TEX14: variants seen among roughly 807,000 people sequenced by gnomAD.
TEX14 encodes the protein inactive serine/threonine-protein kinase TEX14.
In TEX14, 168 loss-of-function variants were observed where a neutral mutation model predicts 178.6. The ratio of observed to expected loss-of-function variants is 0.94; its 90% CI spans 0.83 to 1.07. The LOEUF (loss-of-function observed/expected upper bound fraction) is 1.07, where lower values mean the gene tolerates loss of function less well. Ranked by LOEUF, TEX14 falls within the 50% of genes least tolerant of loss-of-function variation. The pLI is 0.00. For synonymous variants in TEX14, 626 were observed against 634.1 expected (o/e 0.99, Z 0.19); for missense variants, 1,730 against 1,753.6 (o/e 0.99, Z 0.24).
Position 58,585,882 on chromosome 17 carries a change from T to G in TEX14, c.2989A>C (p.Asn997His), listed in dbSNP as rs1598359267. Residue 997 changes from asparagine (N) to histidine (H), a missense_variant, in exon 18 of 32, where the codon AAT becomes CAT. Transcript: ENST00000349033. The stretch of plus-strand genomic sequence containing the variant: ...TTGCCCGTCTTGTCAAACTTGCCAT[T>G]TCCTCTGGGCTCATCATTTTCCCTA... The part of the protein sequence containing the change: ...YHRENDEPRG[N>H]GKFDKTGNND... 6.2e-7 allele frequency: 1 copy of G among 1,614,034 alleles called. No homozygotes were observed. Among genetic ancestry groups the G allele is most frequent in the Non-Finnish European group, 8.5e-7 (1 of 1,180,012 alleles).
chr17:58,659,255 G>GT, intron 1 of TEX14: 1 of 759,326 alleles, frequency 1.3e-6, no homozygotes, highest in Non-Finnish European at 1.6e-6. Context: ...CCTCCCCCAA[G>GT]AAAAACACTT....
At position 58,615,218 on chromosome 17, in the gene TEX14, G is replaced by C. The variant is rs774760845; in HGVS notation, c.881+14C>G. ...AGACCTGGACCTATAAGGGGCCTTG[G>C]GCTTCCTTCTCACCTGCTGTGTTCC... is the stretch of plus-strand genomic sequence containing the variant. On this transcript the variant is annotated intron_variant, in intron 8 of 31. Transcript: ENST00000349033. 1.3e-6 allele frequency: 2 copies of C among 1,557,052 alleles called. No individual in the cohort carries two copies. Among genetic ancestry groups the C allele is most frequent in the South Asian group, 2.2e-5 (2 of 89,748 alleles).
intron 1 of TEX14, among the ~76,000 whole-genome samples, chr17:58,652,607 T>C (rs1221081891): frequency 2.0e-5 from 3 of 152,170 alleles, no homozygotes; most frequent in Non-Finnish European, 4.4e-5. Flanking sequence ...ATGTCTTTAT[T>C]AGCAGCACAA....
intron 23 of TEX14, 78 bp from the exon 24 acceptor site, chr17:58,572,204 G>GT: frequency 3.9e-6 from 4 of 1,021,712 alleles, no homozygotes; most frequent in East Asian, 2.4e-5. Flanking sequence ...CTTTGTTTTT[G>GT]TTTTTTCTGC....
At chr17:58,594,375 T>C (rs2045230824) in intron 14 of TEX14, among the ~76,000 whole-genome samples, 1 of 150,418 alleles carries the variant, frequency 6.6e-6, no homozygotes, top group African/African-American at 2.4e-5. Flanking sequence ...TTTTTTGAGA[T>C]GGCCTCACTC....
chr17:58,660,682 T>C (rs541340251), intron 1 of TEX14: 39 of 782,686 alleles, frequency 5.0e-5, no homozygotes, highest in Middle Eastern at 2.3e-4. Flanking sequence ...CTTCCTCCTT[T>C]TCTTGATCTT....
chr17:58,557,700 G>C (rs1235336795), intron 31 of TEX14, 99 bp downstream of exon 31: 1 of 899,226 alleles, frequency 1.1e-6, no homozygotes, highest in Non-Finnish European at 1.7e-6. Context: ...TGGAGTCTTT[G>C]TCATTAATGT....
At chr17:58,574,643 C>T (rs1237689127) in intron 21 of TEX14, among the ~76,000 whole-genome samples, 2 of 126,906 alleles carry the variant, frequency 1.6e-5, no homozygotes, top group African/African-American at 3.1e-5. Context: ...CATTGCACTC[C>T]AGCCTGGGCA....
chr17:58,635,338 T>C (rs1037862674), intron 2 of TEX14, among the ~76,000 whole-genome samples: 2 of 151,900 alleles, frequency 1.3e-5, no homozygotes, highest in African/African-American at 4.8e-5. Context: ...ATTATAGTTA[T>C]TGACAAGAAG....
At chr17:58,576,053 A>G (rs895881806) in intron 21 of TEX14, among the ~76,000 whole-genome samples, 2 of 152,246 alleles carry the variant, frequency 1.3e-5, no homozygotes, top group African/African-American at 4.8e-5. Flanking sequence ...TACTAGCTAC[A>G]ATAATTATAA....
chr17:58,664,264 G>A (rs2047169056), intron 1 of TEX14, among the ~76,000 whole-genome samples: 1 of 152,118 alleles, frequency 6.6e-6, no homozygotes, highest in African/African-American at 2.4e-5. Context: ...ATCCATGAAT[G>A]CCAGGCTGAC....
chr17:58,650,273 G>A (rs143987533), intron 2 of TEX14, among the ~76,000 whole-genome samples: 2,212 of 151,658 alleles, frequency 0.015, 23 homozygotes, highest in Non-Finnish European at 0.024. Context: ...GGCAGGTCTC[G>A]AATCCTGACC....
Position 58,671,756 on chromosome 17 carries a change from A to G in TEX14, c.-1-19754T>C, listed in dbSNP as rs548627956. On this transcript the variant is annotated intron_variant, in intron 1 of 31. Transcript: ENST00000349033. ...TTTTAAAAACTCGTTTTCTTGTTCT[A>G]TTTTCTCACCATTTTACATGTTTTG... Among the ~76,000 whole-genome samples, 110 of 151,816 alleles carry G rather than the reference A, an allele frequency of 7.2e-4. 1 individual carries two copies. Among genetic ancestry groups the G allele is most frequent in the African/African-American group, 2.6e-3 (108 of 41,388 alleles).
At chr17:58,616,345 G>A (rs938746790) in intron 6 of TEX14, 40 bp from the exon 7 acceptor site, 3 of 1,598,294 alleles carry the variant, frequency 1.9e-6, no homozygotes, top group Admixed American at 3.5e-5. Context: ...GGGAGAAGGG[G>A]GGAAAAGCAG....
At chr17:58,672,304 C>T (rs2047317135) in intron 1 of TEX14, among the ~76,000 whole-genome samples, 3 of 152,144 alleles carry the variant, frequency 2.0e-5, no homozygotes, top group African/African-American at 7.2e-5. Context: ...GGTCCTAGAG[C>T]CAATCAACAG....
In TEX14 at chr17:58,601,965, C is replaced by G. The variant is rs374895442; in HGVS notation, c.1528-9G>C. 158 of 1,612,404 alleles carry G rather than the reference C, an allele frequency of 9.8e-5. No homozygotes were observed. The Middle Eastern group carries it at 1.1e-3, about 12-fold the overall frequency. ...TGGGCTCCAGTAAAATCCTGTAACA[C>G]AGGAAATATTGTCAAGGACATAGTC... On this transcript the variant is annotated splice_polypyrimidine_tract_variant and intron_variant, in intron 12 of 31. Coordinates refer to ENST00000349033, the MANE Select transcript of TEX14 (RefSeq NM_031272.5).
At chr17:58,577,309 A>T in intron 21 of TEX14, 66 bp downstream of exon 21, 2 of 638,454 alleles carry the variant, frequency 3.1e-6, no homozygotes, top group Non-Finnish European at 5.0e-6. Context: ...ATAAACACGG[A>T]GCATTATCAC....
At chr17:58,632,018 T>C (rs990417343) in intron 2 of TEX14, among the ~76,000 whole-genome samples, 3 of 152,252 alleles carry the variant, frequency 2.0e-5, no homozygotes, top group African/African-American at 7.2e-5. Flanking sequence ...GAAGATACTT[T>C]AGGCAATCAC....
chr17:58,682,558 C>T lies in TEX14; in HGVS notation c.-2+9381G>A, dbSNP rs375636959. On this transcript the variant is annotated intron_variant, in intron 1 of 31. Coordinates refer to ENST00000349033, the MANE Select transcript of TEX14 (RefSeq NM_031272.5). ...CAGGTGTGAGCCACCACGACCACTC[C>T]TCCAACCAGATTTCAAAGTGTGTTT... Among the ~76,000 whole-genome samples the T allele has an allele frequency of 2.6e-5, 4 of 152,158 alleles. No homozygotes were observed. In the East Asian group the frequency reaches 7.7e-4, roughly 29 times the overall value.
Sources: gnomAD v4.1 joint callset for allele counts (sites outside exome capture counted in the v4.1 genomes callset) on GRCh38, gnomAD v4.1.1 for gene constraint, MANE v1.5 for transcripts, NCBI Gene and HGNC (gene_info 2026-07-23, HGNC 2026-07-21) for gene names.